The following GSE1 variants were observed in gnomAD, a reference collection of about 807,000 sequenced individuals.
GSE1 encodes Gse1 coiled-coil protein, also known as genetic suppressor element 1.
Under a neutral mutation model 112.6 loss-of-function variants are expected in GSE1, and 32 were observed. That is an observed-to-expected ratio of 0.28 (90% CI 0.21 to 0.38). GSE1 has a LOEUF of 0.38. GSE1 is among the 10% of genes least tolerant of loss of function. The pLI is 1.00. For synonymous variants in GSE1, 1,115 were observed against 735.6 expected (o/e 1.52, Z -8.35); for missense variants, 2,348 against 1,699.2 (o/e 1.38, Z -6.71).
chr16:85,364,562 C>T (rs1394880183), intron 2 of GSE1, among the ~76,000 whole-genome samples: 3 of 152,214 alleles, frequency 2.0e-5, no homozygotes, highest in Non-Finnish European at 4.4e-5. Context: ...GTGGGTCTTC[C>T]TGATTGAGTG....
At chr16:85,464,785 C>T (rs1231687275) in intron 2 of GSE1, among the ~76,000 whole-genome samples, 1 of 152,216 alleles carries the variant, frequency 6.6e-6, no homozygotes, top group Non-Finnish European at 1.5e-5. Context: ...TTTCCAAAGG[C>T]CAGCTAGTGA....
intron 1 of GSE1, among the ~76,000 whole-genome samples, chr16:85,598,651 G>A (rs1339345779): frequency 1.3e-5 from 2 of 152,256 alleles, no homozygotes; most frequent in Non-Finnish European, 2.9e-5. Context: ...GGGCAGGCAG[G>A]CCAAGAGGGG....
At chr16:85,462,842 C>T (rs1010099885) in intron 2 of GSE1, among the ~76,000 whole-genome samples, 4 of 145,564 alleles carry the variant, frequency 2.7e-5, no homozygotes, top group Admixed American at 6.8e-5. Flanking sequence ...GGCTGCGGGG[C>T]CCCCAGGCGC....
chr16:85,571,265 C>T (rs899587080), intron 1 of GSE1, among the ~76,000 whole-genome samples: 4 of 152,210 alleles, frequency 2.6e-5, no homozygotes, highest in African/African-American at 9.6e-5. Flanking sequence ...CATTGGATAG[C>T]CAGGGCACTG....
chr16:85,212,744 C>T (rs1302541428), intron 1 of GSE1, among the ~76,000 whole-genome samples: 3 of 152,226 alleles, frequency 2.0e-5, no homozygotes, highest in South Asian at 2.1e-4. Context: ...GGTGTCCGCC[C>T]ACTCGCAGGG....
At chr16:85,211,974 A>G (rs1234757611) in intron 1 of GSE1, among the ~76,000 whole-genome samples, 5 of 152,192 alleles carry the variant, frequency 3.3e-5, no homozygotes, top group African/African-American at 1.2e-4. Flanking sequence ...ACCATCGCCC[A>G]TCAAATGGTT....
intron 1 of GSE1, among the ~76,000 whole-genome samples, chr16:85,339,833 A>G (rs188802866): frequency 4.3e-4 from 66 of 152,276 alleles, no homozygotes; most frequent in African/African-American, 1.6e-3. Context: ...AGGAGTGGAT[A>G]TACATCGTCT....
chr16:85,225,086 G>A (rs761247774), intron 1 of GSE1, among the ~76,000 whole-genome samples: 16 of 152,006 alleles, frequency 1.1e-4, no homozygotes, highest in African/African-American at 2.4e-4. Flanking sequence ...AGCCGAGATC[G>A]CGCCTCCAGC....
At chr16:85,623,306 C>T (rs1432219949) in intron 1 of GSE1, among the ~76,000 whole-genome samples, 2 of 151,840 alleles carry the variant, frequency 1.3e-5, no homozygotes, top group African/African-American at 4.8e-5. Flanking sequence ...CCTCAACCTC[C>T]TGGGCTCAAG....
chr16:85,178,910 A>G (rs1202684625), intron 1 of GSE1, among the ~76,000 whole-genome samples: 1 of 151,692 alleles, frequency 6.6e-6, no homozygotes, highest in Non-Finnish European at 1.5e-5. Flanking sequence ...TACGTTGTCC[A>G]TTGTAGCAGC....
chr16:85,655,960 C>T lies in GSE1; in HGVS notation c.989+43C>T, dbSNP rs565027012. On this transcript the variant is annotated intron_variant, in intron 6 of 15. Coordinates refer to ENST00000253458, the MANE Select transcript of GSE1 (RefSeq NM_014615.5). ...CGAGGAGCCCCTCTGCCCTCCCTGT[C>T]CCTTGATGGCAGCTGGGCAGAAAGC... 4.7e-6 allele frequency: 7 copies of T among 1,479,082 alleles called. No homozygotes were observed. In the East Asian group the frequency reaches 1.6e-4, roughly 34 times the overall value. The allele number at this position is 1,479,082 out of a possible 1,614,324, so 91.6% of individuals were successfully genotyped here.
chr16:85,672,225 C>A (rs566531531), intron 15 of GSE1, 180 bp from the exon 16 acceptor site: 6 of 600,372 alleles, frequency 1.0e-5, no homozygotes, highest in Admixed American at 2.5e-5. Flanking sequence ...GAACTCCTGA[C>A]GACAGGTGAT....
chr16:85,385,392 C>G (rs972392102), intron 2 of GSE1, among the ~76,000 whole-genome samples: 3 of 152,202 alleles, frequency 2.0e-5, no homozygotes, highest in Non-Finnish European at 4.4e-5. Context: ...ATTGGAGTCA[C>G]CATGCAGAGG....
upstream of GSE1, chr16:85,611,271 T>TC (rs1231890990): frequency 1.8e-5 from 2 of 111,092 alleles, no homozygotes; most frequent in African/African-American, 3.5e-5. Context: ...TATCCTCCCC[T>TC]CCCCCCGCCC....
chr16:85,553,897 G>A (rs1397948365), upstream of GSE1, among the ~76,000 whole-genome samples: 1 of 152,172 alleles, frequency 6.6e-6, no homozygotes, highest in African/African-American at 2.4e-5. Flanking sequence ...CGGGGCTGCC[G>A]CTGGGGACCC....
upstream of GSE1, chr16:85,613,044 C>T (rs1363333322): frequency 1.1e-5 from 4 of 379,876 alleles, no homozygotes; most frequent in Non-Finnish European, 1.4e-5. Context: ...CTCACCTGGC[C>T]GGCCGGGCCG....
At chr16:85,579,229 G>A (rs2046352073) in intron 1 of GSE1, among the ~76,000 whole-genome samples, 1 of 152,122 alleles carries the variant, frequency 6.6e-6, no homozygotes, top group South Asian at 2.1e-4. Flanking sequence ...TCTGGGTGGG[G>A]CTTGGGGTAT....
At chr16:85,574,858 G>C (rs550773091) in intron 1 of GSE1, among the ~76,000 whole-genome samples, 4 of 152,326 alleles carry the variant, frequency 2.6e-5, no homozygotes, top group Admixed American at 1.3e-4. Flanking sequence ...CTCCCTGCTG[G>C]AGCCTGCCCT....
chr16:85,513,643 C>T (rs909025772), intron 2 of GSE1, among the ~76,000 whole-genome samples: 2 of 151,968 alleles, frequency 1.3e-5, no homozygotes, highest in African/African-American at 4.9e-5. Context: ...AGGCCTCACC[C>T]TCCTCCTCCA....
Sources: gnomAD v4.1 joint callset for allele counts (sites outside exome capture counted in the v4.1 genomes callset) on GRCh38, gnomAD v4.1.1 for gene constraint, MANE v1.5 for transcripts, NCBI Gene and HGNC (gene_info 2026-07-23, HGNC 2026-07-21) for gene names.